LMNTD2: variants seen among roughly 807,000 people sequenced by gnomAD.
LMNTD2 encodes the protein lamin tail domain containing 2.
A neutral mutation model predicts 70.1 loss-of-function variants in LMNTD2; 83 were observed. The observed-to-expected ratio is 1.18, with a 90% CI of 0.99 to 1.42. The LOEUF (loss-of-function observed/expected upper bound fraction) is 1.42, where lower values mean the gene tolerates loss of function less well. Ranked by LOEUF, LMNTD2 falls within the 40% of genes most tolerant of loss-of-function variation. The pLI is 0.00. For synonymous variants in LMNTD2, 534 were observed against 406.1 expected (o/e 1.31, Z -3.79); for missense variants, 1,153 against 905.9 (o/e 1.27, Z -3.50).
intron 1 of LMNTD2, 57 bp downstream of exon 1, chr11:560,626 C>G: frequency 7.5e-7 from 1 of 1,334,914 alleles, no homozygotes; most frequent in Non-Finnish European, 9.7e-7. Flanking sequence ...GGGCGGGAAC[C>G]CGCCACACTA....
rs1202426892 is a variant in LMNTD2 at position 555,356 on chromosome 11, C to T, written c.1722G>A (p.Glu574=). 7.0e-7 allele frequency: 1 copy of T among 1,423,288 alleles called. No homozygotes were observed. Among genetic ancestry groups the T allele is most frequent in the African/African-American group, 1.5e-5 (1 of 66,758 alleles). 88.2% of individuals were successfully genotyped at this position (1,423,288 alleles called of 1,614,324 possible). A position where few individuals can be genotyped will look rare whatever the true frequency, so the allele number is the denominator to read the frequency against. The change falls in exon 13 of 14, where the codon GAG becomes GAA. Residue 574 remains glutamate, a synonymous_variant. Transcript: ENST00000329451. ...GACAGTCCTCCAGGCCCAGCCCGGCCTCTGCGGGAGGCGACGGCAGGGTGG... is the reference window on the plus strand; with the variant it reads ...GACAGTCCTCCAGGCCCAGCCCGGCTTCTGCGGGAGGCGACGGCAGGGTGG... ...GDPTLPSPPA[E]AGLGLEDCRL... is the part of the protein sequence containing the mutation.
Position 556,541 on chromosome 11 carries a change from G to A in LMNTD2, c.1024C>T (p.Pro342Ser). The A allele has an allele frequency of 1.3e-6, 2 of 1,562,074 alleles. No individual in the cohort carries two copies. The highest frequency in any genetic ancestry group is 1.9e-5 in the Admixed American group (1 of 51,898). Residue 342 changes from proline (P) to serine (S), a missense_variant, in exon 9 of 14, where the codon CCC becomes TCC. Transcript: ENST00000329451. ...SPRHGEPVLS[P>S]QPCTDPDHWS... ...TGGTCCGGGTCTGTGCAGGGCTGGG[G>A]CGACAGGACCGGCTCGCCGTGCCTG...
Position 555,058 on chromosome 11 carries a change from C to G in LMNTD2, c.1827G>C (p.Gln609His). The change falls in exon 14 of 14, where the codon CAG (glutamine) becomes CAC (histidine). Residue 609 changes from glutamine to histidine, a missense_variant. By Grantham distance (24) the Gln-to-His change is conservative. Coordinates refer to ENST00000329451, the MANE Select transcript of LMNTD2 (RefSeq NM_173573.3). ...RSCPLVALSV[Q>H]NTAESRFGFR... ...AGCCGAATCTGCTCTCCGCCGTGTTCTGCACCGACAGGGCCACCAGGGGGC... is the reference window on the plus strand; with the variant it reads ...AGCCGAATCTGCTCTCCGCCGTGTTGTGCACCGACAGGGCCACCAGGGGGC... 6.3e-7 allele frequency: 1 copy of G among 1,586,838 alleles called. No homozygotes were observed. Among genetic ancestry groups the G allele is most frequent in the Non-Finnish European group, 8.5e-7 (1 of 1,170,004 alleles).
chr11:556,804 G>A (rs761411482), intron 8 of LMNTD2, 31 bp downstream of exon 8: 4 of 1,521,054 alleles, frequency 2.6e-6, no homozygotes, highest in South Asian at 2.6e-5. Flanking sequence ...GGTGGGTGAA[G>A]GGTAACCAGG....
chr11:558,598 G>T lies in LMNTD2; in HGVS notation c.311+16C>A. 6.3e-7 allele frequency: 1 copy of T among 1,597,704 alleles called. No individual in the cohort carries two copies. The highest frequency in any genetic ancestry group is 8.5e-7 in the Non-Finnish European group (1 of 1,171,578). On this transcript the variant is annotated intron_variant, in intron 3 of 13. Coordinates refer to ENST00000329451, the MANE Select transcript of LMNTD2 (RefSeq NM_173573.3). ...ACAGGGCGGGGTTGGGTTGGGCTGG[G>T]GACTGTGCTGCAGACCTCTTGGGCG...
chr11:560,617 G>A, intron 1 of LMNTD2, 66 bp downstream of exon 1: 2 of 1,326,154 alleles, frequency 1.5e-6, no homozygotes, highest in Admixed American at 3.9e-5. Flanking sequence ...ACCCTTCCTG[G>A]GCGGGAACCC....
At position 555,306 on chromosome 11, in the gene LMNTD2, C is replaced by A; in HGVS notation, c.1772G>T (p.Arg591Leu). 1 of 1,414,506 alleles carries A rather than the reference C, an allele frequency of 7.1e-7. No homozygotes were observed. The highest frequency in any genetic ancestry group is 9.2e-7 in the Non-Finnish European group (1 of 1,086,956). 87.6% of individuals were successfully genotyped at this position (1,414,506 alleles called of 1,614,324 possible). The change falls in exon 13 of 14, where the codon CGG becomes CTG. Residue 591 changes from arginine (R) to leucine (L), a missense_variant and splice_region_variant. Transcript: ENST00000329451. ...GCGCACCCGCAAGCGCGCACTCACCCGAACTCGGTGTTCTTTCTGGAGCCG... is the reference window on the plus strand; with the variant it reads ...GCGCACCCGCAAGCGCGCACTCACCAGAACTCGGTGTTCTTTCTGGAGCCG... ...DCRLQKEHRV[R>L]VCRKSVDRSC...
At chr11:557,370 C>A in intron 7 of LMNTD2, 29 bp downstream of exon 7, 1 of 1,567,826 alleles carries the variant, frequency 6.4e-7, no homozygotes. Flanking sequence ...CCTTCTGGCC[C>A]CTGGGGAGTC....
chr11:558,390 G>A (rs1853039593), intron 3 of LMNTD2, 142 bp from the exon 4 acceptor site: 2 of 1,114,636 alleles, frequency 1.8e-6, no homozygotes, highest in Non-Finnish European at 1.2e-6. Context: ...CGCTGGGGCT[G>A]GCCAGCCTCC....
At chr11:555,144 G>A in intron 13 of LMNTD2, 33 bp from the exon 14 acceptor site, 1 of 1,040,334 alleles carries the variant, frequency 9.6e-7, no homozygotes, top group East Asian at 3.3e-5. Flanking sequence ...GGCGCGCGGG[G>A]CGGGGCGGGG....
chr11:555,028 G>A lies in LMNTD2; in HGVS notation c.1857C>T (p.Arg619=), dbSNP rs980735364. ...QNTAESRFGF[R]FLSCLPVTAD... ...CGGTGACCGGCAGGCAGCTGAGGAA[G>A]CGGAAGCCGAATCTGCTCTCCGCCG... Residue 619 remains arginine (R), a synonymous_variant, in exon 14 of 14, where the codon CGC becomes CGT. Coordinates refer to ENST00000329451, the MANE Select transcript of LMNTD2 (RefSeq NM_173573.3). 4.4e-6 allele frequency: 7 copies of A among 1,593,466 alleles called. No individual in the cohort carries two copies. The highest frequency in any genetic ancestry group is 1.4e-5 in the African/African-American group (1 of 72,350).
At chr11:560,545 G>A in intron 1 of LMNTD2, 138 bp downstream of exon 1, 1 of 1,279,510 alleles carries the variant, frequency 7.8e-7, no homozygotes, top group Non-Finnish European at 1.0e-6. Flanking sequence ...CGGGAAGCGA[G>A]GGGAGGGGCT....
In LMNTD2 at chr11:555,071, G is replaced by A. The variant is rs767447870; in HGVS notation, c.1814C>T (p.Ala605Val). The A allele has an allele frequency of 2.0e-5, 32 of 1,579,320 alleles. No individual in the cohort carries two copies. The highest frequency in any genetic ancestry group is 5.3e-5 in the Admixed American group (3 of 56,460). ...KSVDRSCPLV[A>V]LSVQNTAESR... is the part of the protein sequence containing the mutation. ...CTCCGCCGTGTTCTGCACCGACAGG[G>A]CCACCAGGGGGCAGCTACGGTCCAC... The change falls in exon 14 of 14, where the codon GCC (alanine) becomes GTC (valine). Residue 605 changes from alanine to valine, a missense_variant. Ala to Val is a moderately conservative substitution (Grantham distance 64). Transcript: ENST00000329451.
In LMNTD2 at chr11:557,380, C is replaced by A. The variant is rs1344474272; in HGVS notation, c.713+19G>T. 1 of 1,579,186 alleles carries A rather than the reference C, an allele frequency of 6.3e-7. No homozygotes were observed. The highest frequency in any genetic ancestry group is 1.2e-5 in the South Asian group (1 of 86,772). On this transcript the variant is annotated intron_variant, in intron 7 of 13. Coordinates refer to ENST00000329451, the MANE Select transcript of LMNTD2 (RefSeq NM_173573.3). ...CCCTCCCTTCTGGCCCCTGGGGAGT[C>A]CCTGCTCTGTGCAGTTACTTTTGCT... is the stretch of plus-strand genomic sequence containing the variant.
chr11:557,866 C>T lies in LMNTD2; in HGVS notation c.555+18G>A. ...GGGAGGGCAGCCTGGGGCAGGAGGG[C>T]TTGGGGGACAGGCTCACCTCCACAC... On this transcript the variant is annotated intron_variant, in intron 5 of 13. Transcript: ENST00000329451. 6.4e-7 allele frequency: 1 copy of T among 1,551,110 alleles called. No individual in the cohort carries two copies. The highest frequency in any genetic ancestry group is 8.7e-7 in the Non-Finnish European group (1 of 1,149,004).
At position 558,381 on chromosome 11, in the gene LMNTD2, G is replaced by A. The variant is rs570699180; in HGVS notation, c.312-133C>T. 8.3e-5 allele frequency: 93 copies of A among 1,121,932 alleles called. 1 individual carries two copies. In the South Asian group the frequency reaches 1.1e-3, roughly 13 times the overall value. 69.5% of individuals were successfully genotyped at this position (1,121,932 alleles called of 1,614,324 possible). A position where few individuals can be genotyped will look rare whatever the true frequency, so the allele number is the denominator to read the frequency against. On this transcript the variant is annotated intron_variant, in intron 3 of 13. Transcript: ENST00000329451. The stretch of plus-strand genomic sequence containing the variant: ...CCCCAAGGGCACACAGTACAGCCCC[G>A]CTGGGGCTGGCCAGCCTCCGGCTGG...
In LMNTD2 at chr11:555,856, G is replaced by A. The variant is rs775669576; in HGVS notation, c.1452C>T (p.Ser484=). The A allele has an allele frequency of 4.5e-6, 7 of 1,560,700 alleles. No individual in the cohort carries two copies. The highest frequency in any genetic ancestry group is 2.3e-5 in the South Asian group (2 of 86,032). The change falls in exon 12 of 14, where the codon TCC becomes TCT. Residue 484 remains serine (S), a synonymous_variant. Coordinates refer to ENST00000329451, the MANE Select transcript of LMNTD2 (RefSeq NM_173573.3). ...CCTCAGGGAGCGGGAAGCGGTCGATGGACAAGTCGGTGCCGTCGGCGAAGA... is the reference window on the plus strand; with the variant it reads ...CCTCAGGGAGCGGGAAGCGGTCGATAGACAAGTCGGTGCCGTCGGCGAAGA... ...PRVFADGTDL[S]IDRFPLPEAG... is the part of the protein sequence containing the mutation.
intron 1 of LMNTD2, 69 bp downstream of exon 1, chr11:560,614 C>T: frequency 9.1e-6 from 12 of 1,322,204 alleles, no homozygotes; most frequent in African/African-American, 1.5e-5. Context: ...GAGACCCTTC[C>T]TGGGCGGGAA....
chr11:555,151 GGGGAC>G (rs1852716754), intron 13 of LMNTD2, 40 bp from the exon 14 acceptor site: 2 of 767,970 alleles, frequency 2.6e-6, no homozygotes, highest in African/African-American at 2.0e-5. Context: ...GGGGCGGGGC[GGGGAC>G]GGGAGGGGAG....
Sources: allele counts gnomAD v4.1 joint callset, GRCh38; gene constraint gnomAD v4.1.1; transcripts MANE v1.5; gene names NCBI Gene and HGNC (gene_info 2026-07-23, HGNC 2026-07-21).